MTFR1: variants seen among roughly 807,000 people sequenced by gnomAD.
MTFR1 encodes chondrocyte protein with a poly-proline region.
In MTFR1, 28 loss-of-function variants were observed where a neutral mutation model predicts 38.8. The observed-to-expected ratio is 0.72, with a 90% CI of 0.53 to 0.99. The LOEUF is 0.99. Ranked by LOEUF, MTFR1 falls within the 50% of genes least tolerant of loss-of-function variation. The probability of loss-of-function intolerance (pLI) is 0.00; values close to 1 mark genes in which losing one functional copy is unlikely to be tolerated. For missense variants in MTFR1, 358 were observed against 395.5 expected (o/e 0.91, Z 0.81); for synonymous variants, 145 against 137.0 (o/e 1.06, Z -0.41).
chr8:65,675,159 C>T (rs893086765), intron 2 of MTFR1, among the ~76,000 whole-genome samples: 2 of 152,052 alleles, frequency 1.3e-5, no homozygotes, highest in Non-Finnish European at 2.9e-5. Context: ...GGCATGGTAG[C>T]GCATGCCCGT....
chr8:65,728,812 T>A (rs893457414), intron 3 of MTFR1, among the ~76,000 whole-genome samples: 1 of 152,152 alleles, frequency 6.6e-6, no homozygotes, highest in African/African-American at 2.4e-5. Context: ...ATTAGACTGA[T>A]TTAAAAAATT....
intron 3 of MTFR1, among the ~76,000 whole-genome samples, chr8:65,736,614 G>T (rs1001712224): frequency 5.3e-5 from 8 of 151,746 alleles, no homozygotes; most frequent in African/African-American, 1.9e-4. Context: ...AGTCTGGTGT[G>T]GTGGTGCACA....
At chr8:65,723,743 C>T in intron 3 of MTFR1, 2 of 609,350 alleles carry the variant, frequency 3.3e-6, no homozygotes, top group Non-Finnish European at 5.1e-6. Context: ...CATGAGAGGA[C>T]AGCTTCGCAA....
At chr8:65,681,671 G>GTTTTTTTTTTTTTTTTT (rs200580429) in intron 2 of MTFR1, among the ~76,000 whole-genome samples, 3 of 108,350 alleles carry the variant, frequency 2.8e-5, no homozygotes, top group Admixed American at 9.2e-5. Context: ...TGTTGTTTTT[G>GTTTTTTTTTTTTTTTTT]TTTTTTTTTT....
chr8:65,669,893 C>A lies in MTFR1; in HGVS notation c.-60C>A. On this transcript the variant is annotated 5_prime_UTR_variant, in exon 2 of 8. In the 5' UTR this introduces an upstream ATG that the reference lacks. Transcript: ENST00000262146. ...TTCAGTGTGTTTTATGGACCATGTG[C>A]TGCTATGTATGCCTGAAGAAGTACT... 1 of 1,298,190 alleles carries A rather than the reference C, an allele frequency of 7.7e-7. No individual in the cohort carries two copies. 80.4% of individuals were successfully genotyped at this position (1,298,190 alleles called of 1,614,324 possible).
intron 6 of MTFR1, among the ~76,000 whole-genome samples, chr8:65,707,463 C>T (rs1417445649): frequency 6.6e-6 from 1 of 152,176 alleles, no homozygotes; most frequent in South Asian, 2.1e-4. Context: ...TTTAGTTTTC[C>T]CATTTTATTT....
At chr8:65,698,822 G>C (rs1805527240) in intron 4 of MTFR1, among the ~76,000 whole-genome samples, 1 of 151,734 alleles carries the variant, frequency 6.6e-6, no homozygotes, top group Non-Finnish European at 1.5e-5. Flanking sequence ...TCCACCTCCT[G>C]GGTTCAAGCG....
intron 1 of MTFR1, among the ~76,000 whole-genome samples, chr8:65,664,287 A>G (rs1446910758): frequency 6.6e-6 from 1 of 152,278 alleles, no homozygotes; most frequent in Non-Finnish European, 1.5e-5. Flanking sequence ...ACAGATGAGT[A>G]CATGAATTGT....
intron 7 of MTFR1, chr8:65,708,344 A>G (rs1805847896): frequency 2.7e-6 from 1 of 376,752 alleles, no homozygotes. Flanking sequence ...ATGCAGGGTT[A>G]TATTTTTATT....
At chr8:65,647,069 A>T (rs946094237) in intron 1 of MTFR1, among the ~76,000 whole-genome samples, 6 of 152,228 alleles carry the variant, frequency 3.9e-5, no homozygotes, top group Non-Finnish European at 7.3e-5. Context: ...GTTTAAACTT[A>T]ATGAGCAAAG....
At chr8:65,706,945 TA>T in intron 5 of MTFR1, 64 bp from the exon 6 acceptor site, 1 of 1,510,292 alleles carries the variant, frequency 6.6e-7, no homozygotes, top group Non-Finnish European at 8.8e-7. Flanking sequence ...ATTTTGCTTT[TA>T]AAAACTGATA....
rs901358215 is a variant in MTFR1, at chr8:65,745,840, G to A, written c.*49-25107G>A. Among the ~76,000 whole-genome samples, 3 of 152,286 alleles carry A rather than the reference G, an allele frequency of 2.0e-5. No homozygotes were observed. In the East Asian group the frequency reaches 5.8e-4, roughly 29 times the overall value. On this transcript the variant is annotated intron_variant, in intron 3 of 3. Transcript: ENST00000521247. ...ATTGCAAACAATCTAATAAAAATAA[G>A]TGACACTACTGAGTATTTACTGTAT...
intron 3 of MTFR1, among the ~76,000 whole-genome samples, chr8:65,744,098 G>A (rs1807563079): frequency 6.6e-6 from 1 of 152,168 alleles, no homozygotes; most frequent in Admixed American, 6.5e-5. Flanking sequence ...CTGCCAAAGT[G>A]CGGGGATTAC....
At chr8:65,693,155 C>A (rs930062628) in intron 3 of MTFR1, among the ~76,000 whole-genome samples, 13 of 152,076 alleles carry the variant, frequency 8.5e-5, no homozygotes, top group Admixed American at 3.3e-4. Context: ...GTAATCCCAG[C>A]ACTTTGGGAG....
intron 4 of MTFR1, among the ~76,000 whole-genome samples, chr8:65,694,290 G>A (rs934848044): frequency 4.0e-5 from 6 of 151,898 alleles, no homozygotes; most frequent in African/African-American, 1.2e-4. Context: ...AGCCAGGCTG[G>A]TCTTGATCTC....
rs138331638 is a variant in MTFR1, at chr8:65,723,648, A to G, written c.*48+4167A>G. The G allele has an allele frequency of 6.0e-5, 86 of 1,422,832 alleles. 1 individual carries two copies. The East Asian group carries it at 1.7e-3, about 28-fold the overall frequency. 88.1% of individuals were successfully genotyped at this position (1,422,832 alleles called of 1,614,324 possible). The stretch of plus-strand genomic sequence containing the variant: ...TATAAATTAAAAAAAGAGAAGTATT[A>G]ATATGAAGAATATCTATTGGTTAAA... On this transcript the variant is annotated intron_variant, in intron 3 of 3. Transcript: ENST00000521247.
At chr8:65,771,884 C>CAAAAAAAAAAAAAAA (rs36101490), downstream of MTFR1, among the ~76,000 whole-genome samples, 4 of 55,830 alleles carry the variant, frequency 7.2e-5, no homozygotes, top group African/African-American at 1.1e-4. Flanking sequence ...CTCCATCTCT[C>CAAAAAAAAAAAAAAA]AAAAAAAAAA....
At position 65,669,941 on chromosome 8, in the gene MTFR1, T is replaced by G. The variant is rs760481394; in HGVS notation, c.-12T>G. On this transcript the variant is annotated 5_prime_UTR_variant, in exon 2 of 8. Coordinates refer to ENST00000262146, the MANE Select transcript of MTFR1 (RefSeq NM_014637.4). ...ACTTGAAATGCAAATTTGGGGAGAC[T>G]TTGCCATATAAATGCTTGGCTGGAT... The G allele has an allele frequency of 3.7e-5, 60 of 1,604,868 alleles. No homozygotes were observed. In the Middle Eastern group the frequency reaches 1.2e-3, roughly 31 times the overall value.
chr8:65,693,587 A>C, intron 3 of MTFR1, 57 bp from the exon 4 acceptor site: 2 of 1,498,048 alleles, frequency 1.3e-6, no homozygotes, highest in South Asian at 2.3e-5. Context: ...GAGTAAAAAA[A>C]ATTTAACATT....
Sources: gnomAD v4.1 joint callset for allele counts (sites outside exome capture counted in the v4.1 genomes callset) on GRCh38, gnomAD v4.1.1 for gene constraint, MANE v1.5 for transcripts, NCBI Gene and HGNC (gene_info 2026-07-23, HGNC 2026-07-21) for gene names.